TULP4: variants seen among roughly 807,000 people sequenced by gnomAD.
TULP4 encodes TUB like protein 4.
In TULP4, 16 loss-of-function variants were observed where a neutral mutation model predicts 129.0. The observed-to-expected ratio is 0.12, with a 90% CI of 0.08 to 0.19. The LOEUF (loss-of-function observed/expected upper bound fraction) is 0.19. Among genes scored for constraint, TULP4 ranks in the 10% least tolerant of loss-of-function variants. TULP4 has a pLI of 1.00. For synonymous variants in TULP4, 998 were observed against 854.0 expected, an observed-to-expected ratio of 1.17 and a Z score of -2.94; for missense variants, 1,842 against 2,059.1, an observed-to-expected ratio of 0.89 and a Z score of 2.04.
chr6:158,309,925 G>GGCGGGGGA (rs1779311840), upstream of TULP4, among the ~76,000 whole-genome samples: 1 of 142,978 alleles, frequency 7.0e-6, no homozygotes, highest in African/African-American at 2.6e-5. Flanking sequence ...AGGGGGAGGG[G>GGCGGGGGA]GAGGGGGAGA....
rs1187596558 is a variant in TULP4, at chr6:158,504,197, T to C, written c.4515+19T>C. Reference sequence around the variant, plus strand: ...GCGGCAGGTAAGACCTCAGACCAGGTGGCGCTGCGAGCCCAGGAGGCGAGG... The same window carrying C: ...GCGGCAGGTAAGACCTCAGACCAGGCGGCGCTGCGAGCCCAGGAGGCGAGG... On this transcript the variant is annotated intron_variant, in intron 13 of 13. Coordinates refer to ENST00000367097, the MANE Select transcript of TULP4 (RefSeq NM_020245.5). 1 of 1,523,938 alleles carries C rather than the reference T, an allele frequency of 6.6e-7. No homozygotes were observed. The highest frequency in any genetic ancestry group is 2.3e-5 in the East Asian group (1 of 42,564). 94.4% of individuals were successfully genotyped at this position (1,523,938 alleles called of 1,614,324 possible). A position where few individuals can be genotyped will look rare whatever the true frequency, so the allele number is the denominator to read the frequency against.
chr6:158,354,079 C>T (rs1780586318), intron 1 of TULP4, among the ~76,000 whole-genome samples: 1 of 152,190 alleles, frequency 6.6e-6, no homozygotes, highest in Non-Finnish European at 1.5e-5. Context: ...GGATTCTTAG[C>T]TGGCACCGTT....
In TULP4 at chr6:158,481,231, C is replaced by T; in HGVS notation, c.1428C>T (p.Arg476=). 6.2e-7 allele frequency: 1 copy of T among 1,614,240 alleles called. No homozygotes were observed. Among genetic ancestry groups the T allele is most frequent in the Non-Finnish European group, 8.5e-7 (1 of 1,180,046 alleles). ...TTGTGCCCATCCTCAAAGGGCGGCG[C>T]ATCAGCAAGCTGCGGCCAGAGTTCG... is the stretch of plus-strand genomic sequence containing the variant. The part of the protein sequence containing the change: ...GGLVPILKGR[R]ISKLRPEFVI... The change falls in exon 8 of 14, where the codon CGC becomes CGT. Residue 476 remains arginine, a synonymous_variant. Coordinates refer to ENST00000367097, the MANE Select transcript of TULP4 (RefSeq NM_020245.5).
intron 4 of TULP4, among the ~76,000 whole-genome samples, chr6:158,450,665 A>G (rs1779144261): frequency 6.6e-6 from 1 of 151,980 alleles, no homozygotes; most frequent in Non-Finnish European, 1.5e-5. Flanking sequence ...TAGTAAAGTC[A>G]GTGTCTTCAT....
intron 1 of TULP4, among the ~76,000 whole-genome samples, chr6:158,350,084 C>T (rs1295083926): frequency 7.0e-6 from 1 of 143,760 alleles, no homozygotes; most frequent in South Asian, 2.2e-4. Flanking sequence ...ACTCCACTTC[C>T]CAGACGGGGC....
chr6:158,366,216 G>A (rs931828980), intron 1 of TULP4, among the ~76,000 whole-genome samples: 1 of 152,124 alleles, frequency 6.6e-6, no homozygotes, highest in Non-Finnish European at 1.5e-5. Flanking sequence ...AGTCTTTCTT[G>A]AAGTTGGTTT....
intron 1 of TULP4, among the ~76,000 whole-genome samples, chr6:158,240,839 G>C (rs987758925): frequency 1.0e-4 from 15 of 149,766 alleles, no homozygotes; most frequent in Admixed American, 2.0e-4. Flanking sequence ...CTGGCTGGGC[G>C]GGGGGGCTGA....
intron 1 of TULP4, chr6:158,242,717 C>G (rs1400441674): frequency 1.9e-6 from 1 of 533,210 alleles, no homozygotes; most frequent in Non-Finnish European, 3.5e-6. Flanking sequence ...TCTGCAGTAT[C>G]TTATTGACAG....
chr6:158,383,133 C>CCAGGTTCAACAAA (rs2114920493), intron 1 of TULP4, among the ~76,000 whole-genome samples: 1 of 152,278 alleles, frequency 6.6e-6, no homozygotes, highest in African/African-American at 2.4e-5. Context: ...TTCTGCTGTG[C>CCAGGTTCAACAAA]ATCCTCCTCA....
intron 2 of TULP4, among the ~76,000 whole-genome samples, chr6:158,414,364 T>C (rs895005562): frequency 3.0e-5 from 3 of 98,714 alleles, no homozygotes; most frequent in Non-Finnish European, 8.7e-5. Context: ...AATCAGACAA[T>C]GTAGGCCGGA....
intron 1 of TULP4, among the ~76,000 whole-genome samples, chr6:158,391,660 T>A (rs1293735173): frequency 6.6e-6 from 1 of 152,180 alleles, no homozygotes; most frequent in South Asian, 2.1e-4. Flanking sequence ...GGAGAATGAA[T>A]TGTGAATAGG....
At chr6:158,420,302 A>C (rs1200743780) in intron 2 of TULP4, among the ~76,000 whole-genome samples, 1 of 152,190 alleles carries the variant, frequency 6.6e-6, no homozygotes, top group African/African-American at 2.4e-5. Flanking sequence ...TGGGCCATAC[A>C]AAAATAGGTG....
chr6:158,309,459 C>T (rs1197603781), upstream of TULP4, among the ~76,000 whole-genome samples: 1 of 148,192 alleles, frequency 6.7e-6, no homozygotes, highest in Admixed American at 6.6e-5. Context: ...GGCGGCCAGG[C>T]AGAGACGCTC....
At chr6:158,378,343 A>G (rs2114904067) in intron 1 of TULP4, among the ~76,000 whole-genome samples, 1 of 152,218 alleles carries the variant, frequency 6.6e-6, no homozygotes, top group South Asian at 2.1e-4. Flanking sequence ...ACCAAATTTT[A>G]TTATAATAAT....
intron 1 of TULP4, among the ~76,000 whole-genome samples, chr6:158,320,497 T>TATTGGCTCACTGCAAC (rs1779600469): frequency 6.6e-6 from 1 of 151,694 alleles, no homozygotes; most frequent in Non-Finnish European, 1.5e-5. Context: ...AATGGCGTAA[T>TATTGGCTCACTGCAAC]CTTGGCTCAC....
At chr6:158,361,361 A>G (rs1451368946) in intron 1 of TULP4, among the ~76,000 whole-genome samples, 3 of 152,224 alleles carry the variant, frequency 2.0e-5, no homozygotes, top group Non-Finnish European at 4.4e-5. Context: ...GTTTTTAGCA[A>G]GTTTTTAAAA....
chr6:158,338,539 C>G (rs141232617), intron 1 of TULP4, among the ~76,000 whole-genome samples: 41 of 152,268 alleles, frequency 2.7e-4, no homozygotes, highest in Admixed American at 6.5e-4. Flanking sequence ...AGGTGTGAAC[C>G]GTTCCAAAGC....
intron 4 of TULP4, among the ~76,000 whole-genome samples, chr6:158,450,061 AT>A (rs1393026202): frequency 6.6e-6 from 1 of 152,226 alleles, no homozygotes; most frequent in Non-Finnish European, 1.5e-5. Flanking sequence ...ACTATATAAT[AT>A]GATAATATGT....
chr6:158,376,160 A>C (rs1205563789), intron 1 of TULP4, among the ~76,000 whole-genome samples: 1 of 152,154 alleles, frequency 6.6e-6, no homozygotes, highest in Non-Finnish European at 1.5e-5. Flanking sequence ...GCAGTTGTCT[A>C]TTGGATAGCA....
Sources: gnomAD v4.1 joint callset for allele counts (sites outside exome capture counted in the v4.1 genomes callset) on GRCh38, gnomAD v4.1.1 for gene constraint, MANE v1.5 for transcripts, NCBI Gene and HGNC (gene_info 2026-07-23, HGNC 2026-07-21) for gene names.